Variants in ABCC1 observed in about 807,000 individuals in gnomAD.
The protein encoded by ABCC1 is ATP binding cassette subfamily C member 1 (ABCC1 blood group).
In ABCC1, 83 loss-of-function variants were observed where a neutral mutation model predicts 172.9. The ratio of observed to expected loss-of-function variants is 0.48; its 90% confidence interval spans 0.40 to 0.58. The LOEUF (loss-of-function observed/expected upper bound fraction) is 0.58, where lower values mean the gene tolerates loss of function less well. Among genes scored for constraint, ABCC1 ranks in the 20% least tolerant of loss-of-function variants. The pLI is 0.00. For missense variants in ABCC1, 1,817 were observed against 2,002.7 expected, an observed-to-expected ratio of 0.91 and a Z score of 1.77; for synonymous variants, 937 against 825.2, an observed-to-expected ratio of 1.14 and a Z score of -2.32.
At chr16:16,010,335 C>T (rs1009952361) in intron 3 of ABCC1, among the ~76,000 whole-genome samples, 1 of 152,126 alleles carries the variant, frequency 6.6e-6, no homozygotes, top group Admixed American at 6.6e-5. Flanking sequence ...AGCCACTGTT[C>T]CCAGCCCCAG....
chr16:15,980,711 A>G (rs528136035), intron 1 of ABCC1, among the ~76,000 whole-genome samples: 35 of 152,264 alleles, frequency 2.3e-4, no homozygotes, highest in Non-Finnish European at 4.3e-4. Context: ...ATATAATTCC[A>G]TGGCCAAATG....
chr16:15,961,746 T>G (rs2046138512), intron 1 of ABCC1, among the ~76,000 whole-genome samples: 1 of 152,026 alleles, frequency 6.6e-6, no homozygotes, highest in Non-Finnish European at 1.5e-5. Context: ...CCATGCAAAT[T>G]GAAAGTAAAA....
rs370238580 is a variant in ABCC1 at position 16,039,658 on chromosome 16, A to G, written c.809+3055A>G. Reference sequence around the variant, plus strand: ...CATGTGCCTGTCCCTCCCTAAGTCTATCTCTGGCTGTTTTCGAGCCTCTGG... The same window carrying G: ...CATGTGCCTGTCCCTCCCTAAGTCTGTCTCTGGCTGTTTTCGAGCCTCTGG... On this transcript the variant is annotated intron_variant, in intron 7 of 30. Coordinates refer to ENST00000399410, the MANE Select transcript of ABCC1 (RefSeq NM_004996.4). 7.9e-5 allele frequency among the ~76,000 whole-genome samples: 12 copies of G among 152,084 alleles called. No homozygotes were observed. The East Asian group carries it at 1.5e-3, about 20-fold the overall frequency.
chr16:16,055,120 C>T (rs2049593460), intron 11 of ABCC1, among the ~76,000 whole-genome samples: 1 of 152,042 alleles, frequency 6.6e-6, no homozygotes, highest in African/African-American at 2.4e-5. Flanking sequence ...GTCCCAGATA[C>T]TAAGGAGGCT....
intron 4 of ABCC1, among the ~76,000 whole-genome samples, chr16:16,016,153 T>TTG: frequency 7.0e-6 from 1 of 142,216 alleles, no homozygotes; most frequent in Non-Finnish European, 1.5e-5. Context: ...ATCTTGGTTT[T>TTG]TTTTTTTTTT....
intron 9 of ABCC1, among the ~76,000 whole-genome samples, chr16:16,046,519 AT>A (rs2049216475): frequency 6.6e-6 from 1 of 151,868 alleles, no homozygotes; most frequent in African/African-American, 2.4e-5. Context: ...TAATTTTTGT[AT>A]TTTTAGTAGA....
chr16:16,031,721 C>G (rs2048564384), intron 5 of ABCC1, among the ~76,000 whole-genome samples: 1 of 152,194 alleles, frequency 6.6e-6, no homozygotes, highest in Non-Finnish European at 1.5e-5. Context: ...GCCAGCTTGA[C>G]TGTCTGCCTC....
chr16:16,023,837 T>G (rs2048278401), intron 5 of ABCC1, among the ~76,000 whole-genome samples: 1 of 151,686 alleles, frequency 6.6e-6, no homozygotes, highest in Admixed American at 6.6e-5. Flanking sequence ...TTGGAGGTGG[T>G]GGGGTGGGAG....
At chr16:16,131,077 T>G (rs1372546642) in intron 26 of ABCC1, among the ~76,000 whole-genome samples, 1 of 151,904 alleles carries the variant, frequency 6.6e-6, no homozygotes, top group South Asian at 2.1e-4. Context: ...GCTGAGATCA[T>G]GCCATTGCAC....
intron 9 of ABCC1, among the ~76,000 whole-genome samples, chr16:16,047,572 C>T (rs1254957778): frequency 6.6e-6 from 1 of 152,116 alleles, no homozygotes; most frequent in Non-Finnish European, 1.5e-5. Context: ...TTTCGGTTGT[C>T]CCAACTGGGG....
intron 7 of ABCC1, among the ~76,000 whole-genome samples, chr16:16,039,271 T>C (rs1339763518): frequency 6.7e-5 from 7 of 103,974 alleles, no homozygotes; most frequent in African/African-American, 1.1e-4. Context: ...GTTTTCTTTT[T>C]TTTTTTTTTT....
At chr16:15,958,928 G>C (rs1567273727) in intron 1 of ABCC1, among the ~76,000 whole-genome samples, 1 of 152,130 alleles carries the variant, frequency 6.6e-6, no homozygotes, top group Non-Finnish European at 1.5e-5. Flanking sequence ...CCCAAACCTG[G>C]CCTCTACCCC....
chr16:15,989,689 C>T (rs1355843743), intron 1 of ABCC1, among the ~76,000 whole-genome samples: 4 of 152,012 alleles, frequency 2.6e-5, no homozygotes, highest in East Asian at 1.9e-4. Context: ...GAATCCAGGA[C>T]GGTCCTGCCC....
At chr16:15,953,274 A>G (rs931387306) in intron 1 of ABCC1, among the ~76,000 whole-genome samples, 9 of 152,262 alleles carry the variant, frequency 5.9e-5, no homozygotes, top group Admixed American at 4.6e-4. Context: ...AAGAGGTTGC[A>G]GTGAGCTGAG....
At chr16:15,976,522 G>A (rs193234480) in intron 1 of ABCC1, among the ~76,000 whole-genome samples, 1 of 152,152 alleles carries the variant, frequency 6.6e-6, no homozygotes, top group African/African-American at 2.4e-5. Context: ...GGCCTGGCCG[G>A]TACCCCATGC....
At position 15,982,851 on chromosome 16, in the gene ABCC1, G is replaced by A. The variant is rs561605369; in HGVS notation, c.49-24965G>A. On this transcript the variant is annotated intron_variant, in intron 1 of 30. Coordinates refer to ENST00000399410, the MANE Select transcript of ABCC1 (RefSeq NM_004996.4). ...GAAATCCATTCTTAGCCTGTGTGCT[G>A]TACAAAAGCAGGCAGCAGGCTGAAT... is the stretch of plus-strand genomic sequence containing the variant. Among the ~76,000 whole-genome samples, 365 of 136,420 alleles carry A rather than the reference G, an allele frequency of 2.7e-3. 2 individuals carry two copies. Among genetic ancestry groups the A allele is most frequent in the African/African-American group, 9.5e-3 (358 of 37,722 alleles). The allele number at this position is 136,420 out of a possible 152,430, so 89.5% of individuals were successfully genotyped here.
chr16:16,083,868 T>C (rs1043471975), intron 17 of ABCC1, among the ~76,000 whole-genome samples: 2 of 152,128 alleles, frequency 1.3e-5, no homozygotes, highest in Non-Finnish European at 2.9e-5. Context: ...CTGTCCCTTC[T>C]ACTCACAAAG....
At chr16:15,971,344 A>C (rs1254251791) in intron 1 of ABCC1, among the ~76,000 whole-genome samples, 1 of 152,118 alleles carries the variant, frequency 6.6e-6, no homozygotes, top group Admixed American at 6.5e-5. Flanking sequence ...ACATGTGGGG[A>C]AAGGGCAAGA....
At chr16:16,093,126 T>C (rs749941588) in intron 19 of ABCC1, among the ~76,000 whole-genome samples, 13 of 152,254 alleles carry the variant, frequency 8.5e-5, no homozygotes, top group Admixed American at 3.3e-4. Context: ...GAGTCTAGCC[T>C]GTTTCTTCTT....
Sources: allele counts gnomAD v4.1 joint callset (sites outside exome capture counted in the v4.1 genomes callset), GRCh38; gene constraint gnomAD v4.1.1; transcripts MANE v1.5; gene names NCBI Gene and HGNC (gene_info 2026-07-23, HGNC 2026-07-21).